GPC6: variants seen among roughly 807,000 people sequenced by gnomAD.
The protein encoded by GPC6 is glypican 6.
A neutral mutation model predicts 55.2 loss-of-function variants in GPC6; 14 were observed. The ratio of observed to expected loss-of-function variants is 0.25; its 90% CI spans 0.17 to 0.40. GPC6 has a LOEUF of 0.40. GPC6 is among the 10% of genes least tolerant of loss of function. GPC6 has a pLI of 1.00. For synonymous variants in GPC6, 278 were observed against 259.6 expected (o/e 1.07, Z -0.68); for missense variants, 641 against 708.5 (o/e 0.90, Z 1.08).
At chr13:93,240,483 G>T (rs1234930936) in intron 1 of GPC6, among the ~76,000 whole-genome samples, 2 of 151,888 alleles carry the variant, frequency 1.3e-5, no homozygotes, top group Non-Finnish European at 1.5e-5. Context: ...GATGCCATTT[G>T]TGTGGAATAT....
intron 2 of GPC6, among the ~76,000 whole-genome samples, chr13:93,552,548 C>T (rs567923933): frequency 1.1e-4 from 17 of 152,172 alleles, no homozygotes; most frequent in Non-Finnish European, 1.9e-4. Context: ...TAAGGCTACA[C>T]GCTGCTGATC....
At chr13:93,466,387 C>T (rs1878906039) in intron 1 of GPC6, among the ~76,000 whole-genome samples, 1 of 152,190 alleles carries the variant, frequency 6.6e-6, no homozygotes, top group South Asian at 2.1e-4. Flanking sequence ...ACAGTCTTCT[C>T]AGCTGTTATG....
intron 4 of GPC6, among the ~76,000 whole-genome samples, chr13:94,045,357 C>G (rs949170022): frequency 6.6e-6 from 1 of 151,760 alleles, no homozygotes; most frequent in Non-Finnish European, 1.5e-5. Flanking sequence ...ATTTTGCTAA[C>G]GTTTATATAA....
At chr13:93,682,196 G>A (rs1881868326) in intron 2 of GPC6, among the ~76,000 whole-genome samples, 1 of 152,114 alleles carries the variant, frequency 6.6e-6, no homozygotes, top group African/African-American at 2.4e-5. Context: ...AGATGAAAAT[G>A]CGTTTGCAGC....
At chr13:94,033,169 G>A (rs1280979168) in intron 4 of GPC6, among the ~76,000 whole-genome samples, 1 of 152,152 alleles carries the variant, frequency 6.6e-6, no homozygotes, top group East Asian at 1.9e-4. Flanking sequence ...TTTTAATGGA[G>A]GTATAACTAA....
chr13:93,383,367 A>G (rs1223655841), intron 1 of GPC6, among the ~76,000 whole-genome samples: 1 of 152,048 alleles, frequency 6.6e-6, no homozygotes, highest in Non-Finnish European at 1.5e-5. Context: ...GTGCACCACC[A>G]CACCCAGCTC....
chr13:93,551,229 G>A (rs868001620), intron 2 of GPC6, among the ~76,000 whole-genome samples: 10 of 151,656 alleles, frequency 6.6e-5, no homozygotes, highest in Admixed American at 3.9e-4. Flanking sequence ...TTAATGTATT[G>A]ACATTTAGCA....
chr13:93,434,995 A>C (rs907815503), intron 1 of GPC6, among the ~76,000 whole-genome samples: 2 of 152,196 alleles, frequency 1.3e-5, no homozygotes, highest in Admixed American at 1.3e-4. Context: ...GTGAGCCACT[A>C]TGCCCAGCCT....
At chr13:93,699,514 G>C (rs1882596539) in intron 2 of GPC6, among the ~76,000 whole-genome samples, 1 of 152,092 alleles carries the variant, frequency 6.6e-6, no homozygotes, top group African/African-American at 2.4e-5. Context: ...CATCTTGATA[G>C]ACCCATAGTC....
chr13:93,544,010 G>A (rs1469405661), intron 1 of GPC6, among the ~76,000 whole-genome samples: 2 of 151,408 alleles, frequency 1.3e-5, no homozygotes, highest in Non-Finnish European at 2.9e-5. Context: ...CCTAACTGGG[G>A]TGAGATGATA....
chr13:94,103,410 G>A (rs1186112853), intron 4 of GPC6, among the ~76,000 whole-genome samples: 2 of 152,150 alleles, frequency 1.3e-5, no homozygotes, highest in Non-Finnish European at 2.9e-5. Context: ...CCAGTAATGG[G>A]ATCACTGGGT....
At chr13:93,525,064 T>G (rs1226170719) in intron 1 of GPC6, among the ~76,000 whole-genome samples, 2 of 152,100 alleles carry the variant, frequency 1.3e-5, no homozygotes, top group Non-Finnish European at 2.9e-5. Flanking sequence ...AATATTTGTT[T>G]AGGGATGAAT....
At chr13:93,627,339 T>A (rs1053122899) in intron 2 of GPC6, among the ~76,000 whole-genome samples, 1 of 152,158 alleles carries the variant, frequency 6.6e-6, no homozygotes, top group Non-Finnish European at 1.5e-5. Context: ...GAACTCATCC[T>A]TTTTTATGGC....
At chr13:94,353,936 G>GA (rs79638530) in intron 6 of GPC6, among the ~76,000 whole-genome samples, 9,813 of 150,996 alleles carry the variant, frequency 0.065, 522 homozygotes, top group East Asian at 0.24. Context: ...TGATACTGAA[G>GA]AAAAAAAAAT....
intron 4 of GPC6, among the ~76,000 whole-genome samples, chr13:94,050,898 A>G (rs931194629): frequency 6.6e-6 from 1 of 152,124 alleles, no homozygotes; most frequent in Non-Finnish European, 1.5e-5. Context: ...CATAAATGGC[A>G]TTTGTAATCT....
intron 1 of GPC6, among the ~76,000 whole-genome samples, chr13:93,298,648 A>G (rs1359752049): frequency 2.0e-5 from 3 of 149,580 alleles, no homozygotes; most frequent in East Asian, 2.0e-4. Flanking sequence ...GGGTCTCCCT[A>G]TCTTTCCTAG....
At chr13:93,911,745 G>T (rs1391886058) in intron 3 of GPC6, among the ~76,000 whole-genome samples, 1 of 152,194 alleles carries the variant, frequency 6.6e-6, no homozygotes, top group Non-Finnish European at 1.5e-5. Flanking sequence ...AAGTGATAAT[G>T]TGTATCTTTC....
intron 1 of GPC6, among the ~76,000 whole-genome samples, chr13:93,393,107 G>GAGATAT (rs375962249): frequency 2.0e-4 from 23 of 114,760 alleles, no homozygotes; most frequent in Non-Finnish European, 1.7e-5. Context: ...ATGTATATTT[G>GAGATAT]ATATATATAT....
chr13:93,601,708 C>T (rs1878021995), intron 2 of GPC6, among the ~76,000 whole-genome samples: 1 of 152,172 alleles, frequency 6.6e-6, no homozygotes, highest in Admixed American at 6.5e-5. Context: ...ATGCCCAGAC[C>T]TCGGGATATT....
Sources: allele counts gnomAD v4.1 joint callset (sites outside exome capture counted in the v4.1 genomes callset), GRCh38; gene constraint gnomAD v4.1.1; transcripts MANE v1.5; gene names NCBI Gene and HGNC (gene_info 2026-07-23, HGNC 2026-07-21).